Variants in CNTNAP2 observed in about 807,000 individuals in gnomAD.
CNTNAP2 encodes the protein contactin-associated protein-like 2.
Under a neutral mutation model 155.2 loss-of-function variants are expected in CNTNAP2, and 98 were observed. The observed-to-expected ratio is 0.63, with a 90% confidence interval of 0.54 to 0.75. CNTNAP2 has a LOEUF of 0.75. Among genes scored for constraint, CNTNAP2 ranks in the 30% least tolerant of loss-of-function variants. The pLI, the probability that CNTNAP2 is intolerant of heterozygous loss-of-function variation, is 0.00. For synonymous variants in CNTNAP2, 651 were observed against 631.2 expected, an observed-to-expected ratio of 1.03 and a Z score of -0.47; for missense variants, 1,727 against 1,688.1, an observed-to-expected ratio of 1.02 and a Z score of -0.40.
intron 1 of CNTNAP2, among the ~76,000 whole-genome samples, chr7:146,486,733 C>A (rs184405911): frequency 1.3e-5 from 2 of 152,250 alleles, no homozygotes; most frequent in African/African-American, 2.4e-5. Flanking sequence ...ATCTGGAGAG[C>A]TGGAGGCATA....
At chr7:146,830,661 C>G (rs766230279) in intron 2 of CNTNAP2, among the ~76,000 whole-genome samples, 28 of 152,138 alleles carry the variant, frequency 1.8e-4, no homozygotes, top group Non-Finnish European at 3.5e-4. Flanking sequence ...AAATGAGTAG[C>G]TTTGTTTATT....
intron 3 of CNTNAP2, among the ~76,000 whole-genome samples, chr7:147,022,486 T>C (rs1183985729): frequency 6.6e-6 from 1 of 152,102 alleles, no homozygotes; most frequent in Non-Finnish European, 1.5e-5. Context: ...CTAAATTGTA[T>C]ATATTTATAA....
intron 3 of CNTNAP2, among the ~76,000 whole-genome samples, chr7:146,930,122 C>T (rs1163977235): frequency 6.6e-6 from 1 of 152,014 alleles, no homozygotes; most frequent in Non-Finnish European, 1.5e-5. Flanking sequence ...AGAGCAACTC[C>T]AAGACACATA....
intron 3 of CNTNAP2, among the ~76,000 whole-genome samples, chr7:147,043,233 A>G (rs570864391): frequency 2.2e-4 from 34 of 152,194 alleles, no homozygotes; most frequent in African/African-American, 7.9e-4. Context: ...TGCCTCCCAA[A>G]AAATCCATTT....
In CNTNAP2 at chr7:147,079,148, T is replaced by C. The variant is rs189681870; in HGVS notation, c.551-28999T>C. ...TTGGTGCATGGTGTTTTCTAACTAT[T>C]GTTATAAAGATTTTACGCATTTTGA... On this transcript the variant is annotated intron_variant, in intron 4 of 23. Coordinates refer to ENST00000361727, the MANE Select transcript of CNTNAP2 (RefSeq NM_014141.6). Among the ~76,000 whole-genome samples the C allele has an allele frequency of 2.3e-3, 355 of 152,314 alleles. 4 individuals are homozygous for C. The highest frequency in any genetic ancestry group is 3.0e-3 in the Non-Finnish European group (202 of 68,032).
At chr7:147,344,248 T>C (rs1795810929) in intron 9 of CNTNAP2, among the ~76,000 whole-genome samples, 1 of 152,156 alleles carries the variant, frequency 6.6e-6, no homozygotes, top group Non-Finnish European at 1.5e-5. Flanking sequence ...TCACCCAAAA[T>C]TCTACCCACG....
intron 3 of CNTNAP2, among the ~76,000 whole-genome samples, chr7:146,864,051 T>C (rs557762640): frequency 6.6e-6 from 1 of 152,222 alleles, no homozygotes; most frequent in South Asian, 2.1e-4. Context: ...GGCCATTATT[T>C]GACATTTTAA....
intron 8 of CNTNAP2, among the ~76,000 whole-genome samples, chr7:147,179,828 T>C (rs900412669): frequency 2.0e-5 from 3 of 152,052 alleles, no homozygotes; most frequent in African/African-American, 7.2e-5. Flanking sequence ...ACAATGATAG[T>C]TATATGGGTA....
chr7:147,760,369 C>T (rs1411132709), intron 13 of CNTNAP2, among the ~76,000 whole-genome samples: 1 of 152,092 alleles, frequency 6.6e-6, no homozygotes, highest in African/African-American at 2.4e-5. Flanking sequence ...GGGAGTATTG[C>T]TCCCTCTTCT....
chr7:147,683,911 T>C (rs762796772), intron 13 of CNTNAP2, among the ~76,000 whole-genome samples: 5 of 151,626 alleles, frequency 3.3e-5, no homozygotes, highest in Non-Finnish European at 7.4e-5. Context: ...GTAAGTCAGA[T>C]TCAAATTGTA....
At chr7:146,432,774 G>A (rs976119008) in intron 1 of CNTNAP2, among the ~76,000 whole-genome samples, 4 of 152,238 alleles carry the variant, frequency 2.6e-5, no homozygotes, top group Admixed American at 2.6e-4. Context: ...AAAACTGCAG[G>A]TATTTGAAAT....
chr7:148,126,490 T>A (rs1225071871), intron 16 of CNTNAP2, among the ~76,000 whole-genome samples: 1 of 152,196 alleles, frequency 6.6e-6, no homozygotes, highest in Admixed American at 6.5e-5. Flanking sequence ...CAGGTCACGG[T>A]TAGTGAAATT....
At chr7:146,835,917 C>T (rs945049359) in intron 2 of CNTNAP2, among the ~76,000 whole-genome samples, 1 of 152,142 alleles carries the variant, frequency 6.6e-6, no homozygotes, top group Admixed American at 6.6e-5. Context: ...CAGGTTGGGG[C>T]AGGGTACTGG....
intron 3 of CNTNAP2, among the ~76,000 whole-genome samples, chr7:146,869,127 A>G (rs1418593777): frequency 6.6e-6 from 1 of 152,180 alleles, no homozygotes; most frequent in Non-Finnish European, 1.5e-5. Flanking sequence ...GCTTTTGCCC[A>G]TTCAGTATAA....
intron 1 of CNTNAP2, among the ~76,000 whole-genome samples, chr7:146,311,141 C>G (rs1003425116): frequency 6.6e-6 from 1 of 152,094 alleles, no homozygotes; most frequent in Non-Finnish European, 1.5e-5. Context: ...ATATTGATAA[C>G]AAAGCAATGA....
Position 146,576,577 on chromosome 7 carries a change from T to C in CNTNAP2, c.98-197694T>C, listed in dbSNP as rs114665297. The stretch of plus-strand genomic sequence containing the variant: ...TTGTGCTTCTTGATTATGGCTCCAA[T>C]TGTGATATTTTAGGCAGTAACTCAC... On this transcript the variant is annotated intron_variant, in intron 1 of 23. Coordinates refer to ENST00000361727, the MANE Select transcript of CNTNAP2 (RefSeq NM_014141.6). Among the ~76,000 whole-genome samples the C allele has an allele frequency of 8.4e-3, 1,286 of 152,240 alleles. 12 individuals are homozygous for C. Among genetic ancestry groups the C allele is most frequent in the African/African-American group, 0.029 (1,222 of 41,526 alleles).
intron 11 of CNTNAP2, among the ~76,000 whole-genome samples, chr7:147,500,867 C>T (rs1188646500): frequency 6.6e-6 from 1 of 152,106 alleles, no homozygotes. Flanking sequence ...AAATATCTGA[C>T]ACTTCCAAAC....
chr7:147,026,802 A>G (rs1798929456), intron 3 of CNTNAP2, among the ~76,000 whole-genome samples: 1 of 151,616 alleles, frequency 6.6e-6, no homozygotes, highest in South Asian at 2.1e-4. Flanking sequence ...TGGTATACTT[A>G]TTCAAAAAGG....
chr7:148,388,586 A>C (rs993988184), intron 22 of CNTNAP2, among the ~76,000 whole-genome samples: 1 of 152,036 alleles, frequency 6.6e-6, no homozygotes, highest in Non-Finnish European at 1.5e-5. Context: ...GCAATTGTGA[A>C]TAGTGGAGGA....
Sources: allele counts gnomAD v4.1 joint callset (sites outside exome capture counted in the v4.1 genomes callset), GRCh38; gene constraint gnomAD v4.1.1; transcripts MANE v1.5; gene names NCBI Gene and HGNC (gene_info 2026-07-23, HGNC 2026-07-21).